KCNQ5: variants seen among roughly 807,000 people sequenced by gnomAD.
KCNQ5 encodes potassium voltage-gated channel subfamily Q member 5.
Under a neutral mutation model 98.2 loss-of-function variants are expected in KCNQ5, and 30 were observed. The observed-to-expected ratio is 0.31, with a 90% CI of 0.23 to 0.41. The LOEUF is 0.41. Ranked by LOEUF, KCNQ5 falls within the 10% of genes least tolerant of loss-of-function variation. KCNQ5 has a pLI of 1.00. For synonymous variants in KCNQ5, 458 were observed against 449.4 expected, an observed-to-expected ratio of 1.02 and a Z score of -0.24; for missense variants, 835 against 1,182.5, an observed-to-expected ratio of 0.71 and a Z score of 4.31.
intron 2 of KCNQ5, among the ~76,000 whole-genome samples, chr6:73,040,470 C>G (rs1041584337): frequency 1.3e-5 from 2 of 152,164 alleles, no homozygotes; most frequent in Admixed American, 6.5e-5. Flanking sequence ...TGATCTGGCA[C>G]TTTAGATACC....
intron 1 of KCNQ5, among the ~76,000 whole-genome samples, chr6:72,870,505 C>T (rs1778160062): frequency 6.6e-6 from 1 of 152,058 alleles, no homozygotes; most frequent in Admixed American, 6.6e-5. Flanking sequence ...CCTGCCTCAG[C>T]CTCTGAAAGT....
intron 1 of KCNQ5, among the ~76,000 whole-genome samples, chr6:72,973,314 C>T (rs1767991685): frequency 1.4e-5 from 2 of 138,012 alleles, no homozygotes; most frequent in South Asian, 4.7e-4. Flanking sequence ...TGAACATAAA[C>T]TTCTCTAAAA....
In KCNQ5 at chr6:72,663,925, C is replaced by A. The variant is rs572352203; in HGVS notation, c.398+41338C>A. On this transcript the variant is annotated intron_variant, in intron 1 of 13. Coordinates refer to ENST00000370398, the MANE Select transcript of KCNQ5 (RefSeq NM_019842.4). ...TCACTTTGGCTACCTATTTTCAGACCATCCAGTTTCAGATTTTGTTTGGAA... is the reference window on the plus strand; with the variant it reads ...TCACTTTGGCTACCTATTTTCAGACAATCCAGTTTCAGATTTTGTTTGGAA... Among the ~76,000 whole-genome samples the A allele has an allele frequency of 1.2e-4, 19 of 152,252 alleles. No homozygotes were observed. In the South Asian group the frequency reaches 3.3e-3, roughly 27 times the overall value.
intron 1 of KCNQ5, among the ~76,000 whole-genome samples, chr6:72,913,601 T>A (rs1267666226): frequency 6.6e-6 from 1 of 152,214 alleles, no homozygotes; most frequent in Non-Finnish European, 1.5e-5. Context: ...ATTTCAGTAG[T>A]GTTTTGTTAT....
Position 72,896,939 on chromosome 6 carries a change from T to TTGGTTG in KCNQ5, c.399-106969_399-106968insTGGTTG, listed in dbSNP as rs1562053169. On this transcript the variant is annotated intron_variant, in intron 1 of 13. Transcript: ENST00000370398. Reference sequence around the variant, plus strand: ...TCTGAGTCCTGGTTTTTTGTTTGTTTGTTGGTTGGTTGGTTGGTTGGTTGG... The same window carrying TTGGTTG: ...TCTGAGTCCTGGTTTTTTGTTTGTTTTGGTTGGTTGGTTGGTTGGTTGGTTGGTTGG... Among the ~76,000 whole-genome samples the TTGGTTG allele has an allele frequency of 4.5e-3, 679 of 151,312 alleles. 4 individuals carry two copies. Among genetic ancestry groups the TTGGTTG allele is most frequent in the African/African-American group, 0.016 (654 of 41,372 alleles).
chr6:73,167,983 C>T (rs1390405862), intron 10 of KCNQ5, among the ~76,000 whole-genome samples: 1 of 152,014 alleles, frequency 6.6e-6, no homozygotes, highest in East Asian at 1.9e-4. Context: ...AGACAAATTT[C>T]AAAAAATAAC....
chr6:73,136,613 T>C (rs1776481879), intron 10 of KCNQ5: 1 of 152,216 alleles, frequency 6.6e-6, no homozygotes, highest in African/African-American at 2.4e-5. Context: ...TCTGTTGAAA[T>C]TACTTTGTTG....
chr6:72,961,547 G>A (rs1453990280), intron 1 of KCNQ5, among the ~76,000 whole-genome samples: 7 of 151,342 alleles, frequency 4.6e-5, no homozygotes, highest in Non-Finnish European at 8.8e-5. Flanking sequence ...GCGTGAACCC[G>A]GGAGGCGGAG....
chr6:73,064,469 G>A (rs1372309257), intron 3 of KCNQ5, among the ~76,000 whole-genome samples: 1 of 152,102 alleles, frequency 6.6e-6, no homozygotes, highest in East Asian at 1.9e-4. Context: ...ATCATAGGAT[G>A]TTGGGATTTC....
chr6:72,981,271 G>A (rs1361808108), intron 1 of KCNQ5, among the ~76,000 whole-genome samples: 1 of 152,294 alleles, frequency 6.6e-6, no homozygotes, highest in South Asian at 2.1e-4. Context: ...GAATTCAGCT[G>A]TGAATCCTTC....
At chr6:73,093,797 A>T (rs1489045199) in intron 5 of KCNQ5, among the ~76,000 whole-genome samples, 1 of 151,986 alleles carries the variant, frequency 6.6e-6, no homozygotes, top group Non-Finnish European at 1.5e-5. Flanking sequence ...AATTTTCTTA[A>T]ATTTATTGAG....
chr6:72,845,400 CCT>C (rs1175996269), intron 1 of KCNQ5, among the ~76,000 whole-genome samples: 1 of 152,154 alleles, frequency 6.6e-6, no homozygotes, highest in Non-Finnish European at 1.5e-5. Flanking sequence ...CTCACTTATA[CCT>C]TGATCCAAAA....
rs139363733 is a variant in KCNQ5 at position 72,980,624 on chromosome 6, G to A, written c.399-23284G>A. 2.9e-3 allele frequency among the ~76,000 whole-genome samples: 440 copies of A among 152,246 alleles called. 5 individuals are homozygous for A. Among genetic ancestry groups the A allele is most frequent in the East Asian group, 0.026 (133 of 5,186 alleles). The stretch of plus-strand genomic sequence containing the variant: ...TACAATCATGTCATCTACAAACAGC[G>A]ACAATTTGACTTCCTCTTTTCCTAA... On this transcript the variant is annotated intron_variant, in intron 1 of 13. Coordinates refer to ENST00000370398, the MANE Select transcript of KCNQ5 (RefSeq NM_019842.4).
At chr6:72,849,020 TG>T (rs1300508762) in intron 1 of KCNQ5, among the ~76,000 whole-genome samples, 6 of 152,150 alleles carry the variant, frequency 3.9e-5, no homozygotes, top group Non-Finnish European at 8.8e-5. Flanking sequence ...TTTGACTTTC[TG>T]TTTCTGAGTT....
intron 1 of KCNQ5, among the ~76,000 whole-genome samples, chr6:72,815,575 T>G: frequency 6.6e-6 from 1 of 152,148 alleles, no homozygotes; most frequent in Non-Finnish European, 1.5e-5. Context: ...AATCAGGATT[T>G]TCAAAGCTAA....
Position 72,893,980 on chromosome 6 carries a change from T to C in KCNQ5, c.399-109928T>C, listed in dbSNP as rs552534814. ...TAATTAGGTATATAATTGGGTGTTG[T>C]GAACCACCCTCACTCCTAAAAGTAT... is the stretch of plus-strand genomic sequence containing the variant. On this transcript the variant is annotated intron_variant, in intron 1 of 13. Transcript: ENST00000370398. Among the ~76,000 whole-genome samples the C allele has an allele frequency of 3.4e-4, 52 of 152,310 alleles. No homozygotes were observed. The East Asian group carries it at 5.2e-3, about 15-fold the overall frequency.
Position 73,150,007 on chromosome 6 carries a change from GAA to G in KCNQ5, c.1468+16378_1468+16379del, listed in dbSNP as rs60083203. Among the ~76,000 whole-genome samples, 282 of 135,462 alleles carry G rather than the reference GAA, an allele frequency of 2.1e-3. 3 individuals carry two copies. The highest frequency in any genetic ancestry group is 6.6e-3 in the African/African-American group (259 of 39,356). 88.9% of individuals were successfully genotyped at this position (135,462 alleles called of 152,430 possible). A position where few individuals can be genotyped will look rare whatever the true frequency, so the allele number is the denominator to read the frequency against. On this transcript the variant is annotated intron_variant, in intron 10 of 13. Transcript: ENST00000370398. ...AAAGAACCCTCAAAACACCACAGGG[GAA>G]AAAAAAAAAAACACCAGTTGAATAA...
chr6:72,796,392 A>G (rs1309465460), intron 1 of KCNQ5, among the ~76,000 whole-genome samples: 2 of 152,134 alleles, frequency 1.3e-5, no homozygotes, highest in Non-Finnish European at 2.9e-5. Flanking sequence ...TGTATTTCAA[A>G]ACTAGCCAGG....
At position 73,124,444 on chromosome 6, in the gene KCNQ5, C is replaced by T. The variant is rs763472825; in HGVS notation, c.1221-42C>T. On this transcript the variant is annotated intron_variant, in intron 8 of 13. Transcript: ENST00000370398. ...TTATCAAGTGCTATAAATATATTCA[C>T]TGGTTTATCATCATTTCTCTTCTGC... The T allele has an allele frequency of 3.1e-6, 5 of 1,604,366 alleles. No homozygotes were observed. The African/African-American group carries it at 6.7e-5, about 21-fold the overall frequency.
Sources: gnomAD v4.1 joint callset for allele counts (sites outside exome capture counted in the v4.1 genomes callset) on GRCh38, gnomAD v4.1.1 for gene constraint, MANE v1.5 for transcripts, NCBI Gene and HGNC (gene_info 2026-07-23, HGNC 2026-07-21) for gene names.